PCED1B: variants seen among roughly 807,000 people sequenced by gnomAD.
The protein encoded by PCED1B is PC-esterase domain containing 1B.
For missense variants in PCED1B, 573 were observed against 573.9 expected (o/e 1.00, Z 0.02); for synonymous variants, 251 against 246.1 (o/e 1.02, Z -0.19).
At chr12:47,184,385 C>T (rs1246584664) in intron 2 of PCED1B, among the ~76,000 whole-genome samples, 1 of 152,056 alleles carries the variant, frequency 6.6e-6, no homozygotes, top group African/African-American at 2.4e-5. Flanking sequence ...AATACTCCCG[C>T]CACATTGGAT....
intron 1 of PCED1B, among the ~76,000 whole-genome samples, chr12:47,096,845 C>T (rs1219157892): frequency 6.6e-6 from 1 of 152,132 alleles, no homozygotes; most frequent in Non-Finnish European, 1.5e-5. Context: ...TAAGTTAACT[C>T]TGCTGGTTTA....
In PCED1B at chr12:47,096,716, A is replaced by T. The variant is rs114001135; in HGVS notation, c.-608-7397A>T. On this transcript the variant is annotated intron_variant, in intron 1 of 3. Coordinates refer to ENST00000546455, the MANE Select transcript of PCED1B (RefSeq NM_138371.3). Reference sequence around the variant, plus strand: ...ACTTTTCGTTAAAAGGATATTACAGATATTACTTGCTTTGTTTAATAATTA... The same window carrying T: ...ACTTTTCGTTAAAAGGATATTACAGTTATTACTTGCTTTGTTTAATAATTA... Among the ~76,000 whole-genome samples, 7 of 152,306 alleles carry T rather than the reference A, an allele frequency of 4.6e-5. 1 individual carries two copies. The South Asian group carries it at 1.4e-3, about 32-fold the overall frequency.
chr12:47,211,640 T>G (rs201535076), intron 2 of PCED1B, among the ~76,000 whole-genome samples: 2 of 106,896 alleles, frequency 1.9e-5, no homozygotes, highest in African/African-American at 7.9e-5. Context: ...GGCAACAGAG[T>G]GAGACTCTGT....
At chr12:47,226,261 C>T (rs530532184) in intron 3 of PCED1B, among the ~76,000 whole-genome samples, 6 of 152,288 alleles carry the variant, frequency 3.9e-5, no homozygotes, top group African/African-American at 1.4e-4. Context: ...CATAAACCTC[C>T]CTCCTCTGGC....
chr12:47,188,373 A>G (rs1942341020), intron 2 of PCED1B, among the ~76,000 whole-genome samples: 1 of 152,206 alleles, frequency 6.6e-6, no homozygotes. Context: ...GAAGGGTGTT[A>G]GCTGCAAATC....
At chr12:47,094,712 T>A (rs1938405859) in intron 1 of PCED1B, among the ~76,000 whole-genome samples, 1 of 152,106 alleles carries the variant, frequency 6.6e-6, no homozygotes, top group African/African-American at 2.4e-5. Flanking sequence ...TCCCTCCTGA[T>A]TTTGTTCTTT....
At chr12:47,225,720 G>T (rs1459589384) in intron 3 of PCED1B, among the ~76,000 whole-genome samples, 1 of 152,130 alleles carries the variant, frequency 6.6e-6, no homozygotes, top group African/African-American at 2.4e-5. Flanking sequence ...GTACAATATT[G>T]TATTAAGATA....
At chr12:47,198,756 G>A (rs1279065442) in intron 2 of PCED1B, among the ~76,000 whole-genome samples, 1 of 152,128 alleles carries the variant, frequency 6.6e-6, no homozygotes, top group Non-Finnish European at 1.5e-5. Context: ...CCTGAGGTCA[G>A]GAGTTTGAGA....
At chr12:47,195,164 T>G (rs1010449348) in intron 2 of PCED1B, among the ~76,000 whole-genome samples, 1 of 151,640 alleles carries the variant, frequency 6.6e-6, no homozygotes, top group African/African-American at 2.4e-5. Context: ...TTCCGTCTCT[T>G]CTAAAAATAC....
intron 2 of PCED1B, among the ~76,000 whole-genome samples, chr12:47,139,883 CTG>C (rs1390957444): frequency 6.6e-6 from 1 of 151,736 alleles, no homozygotes; most frequent in Non-Finnish European, 1.5e-5. Context: ...GTGTATGTAT[CTG>C]TGTGGTGTGG....
At position 47,104,147 on chromosome 12, in the gene PCED1B, T is replaced by A. The variant is rs1938840508; in HGVS notation, c.-574T>A. 6.7e-6 allele frequency: 1 copy of A among 150,146 alleles called. No homozygotes were observed. Among genetic ancestry groups the A allele is most frequent in the African/African-American group, 2.4e-5 (1 of 40,934 alleles). 9.3% of individuals were successfully genotyped at this position (150,146 alleles called of 1,614,324 possible). On this transcript the variant is annotated 5_prime_UTR_variant, in exon 2 of 4. It removes the in-frame stop codon of an upstream open reading frame in the 5' UTR. Coordinates refer to ENST00000546455, the MANE Select transcript of PCED1B (RefSeq NM_138371.3). ...GGCCCTAAGATCCCAGAGGATGCCA[T>A]AAGAGGAAAAGTCAGGGGAGTGTTG...
chr12:47,124,510 GTTTT>G (rs35428796), intron 2 of PCED1B, among the ~76,000 whole-genome samples: 1 of 143,844 alleles, frequency 7.0e-6, no homozygotes, highest in African/African-American at 2.5e-5. Context: ...TATACATGAG[GTTTT>G]TTTTTTTTTG....
At chr12:47,212,624 C>G (rs1245807190) in intron 2 of PCED1B, among the ~76,000 whole-genome samples, 2 of 152,166 alleles carry the variant, frequency 1.3e-5, no homozygotes, top group African/African-American at 4.8e-5. Context: ...GGTGTCATAC[C>G]AGCCCATGGA....
chr12:47,153,265 G>A (rs1275504944), intron 2 of PCED1B, among the ~76,000 whole-genome samples: 1 of 149,868 alleles, frequency 6.7e-6, no homozygotes, highest in Non-Finnish European at 1.5e-5. Flanking sequence ...CAGGAGAATG[G>A]CATGAACCCA....
intron 2 of PCED1B, among the ~76,000 whole-genome samples, chr12:47,188,248 T>C (rs712104): frequency 0.091 from 13,852 of 152,074 alleles, 2,027 homozygotes; most frequent in African/African-American, 0.31. Context: ...GATGAATAAA[T>C]AAATTATTAA....
At chr12:47,191,706 A>G (rs554665437) in intron 2 of PCED1B, among the ~76,000 whole-genome samples, 2 of 152,278 alleles carry the variant, frequency 1.3e-5, no homozygotes, top group East Asian at 3.9e-4. Context: ...AAAGCTGGAC[A>G]CCTGGGCTGC....
intron 2 of PCED1B, among the ~76,000 whole-genome samples, chr12:47,183,111 CAT>C (rs1592250099): frequency 6.6e-6 from 1 of 151,928 alleles, no homozygotes; most frequent in African/African-American, 2.4e-5. Flanking sequence ...AATCAAATAA[CAT>C]ATCTGATATC....
intron 2 of PCED1B, among the ~76,000 whole-genome samples, chr12:47,172,091 C>T (rs1202578157): frequency 6.6e-6 from 1 of 152,120 alleles, no homozygotes; most frequent in Non-Finnish European, 1.5e-5. Context: ...TTGAATAAAT[C>T]TAATTTTAAC....
intron 2 of PCED1B, among the ~76,000 whole-genome samples, chr12:47,126,712 T>C (rs1214528912): frequency 6.6e-6 from 1 of 152,198 alleles, no homozygotes; most frequent in Non-Finnish European, 1.5e-5. Context: ...TATTTCTTCT[T>C]AAATTAGCTT....
Sources: allele counts gnomAD v4.1 joint callset (sites outside exome capture counted in the v4.1 genomes callset), GRCh38; gene constraint gnomAD v4.1.1; transcripts MANE v1.5; gene names NCBI Gene and HGNC (gene_info 2026-07-23, HGNC 2026-07-21).